The following TREM2 variants were observed in gnomAD, a reference collection of about 807,000 sequenced individuals.
TREM2 encodes the protein triggering receptor expressed on monocytes 2.
In TREM2, 20 loss-of-function variants were observed where a neutral mutation model predicts 22.9. That is an observed-to-expected ratio of 0.87 (90% CI 0.61 to 1.27). TREM2 has a LOEUF of 1.27. Ranked by LOEUF, TREM2 falls within the 50% of genes most tolerant of loss-of-function variation. The pLI is 0.00. For missense variants in TREM2, 267 were observed against 289.0 expected, an observed-to-expected ratio of 0.92 and a Z score of 0.55; for synonymous variants, 111 against 120.9, an observed-to-expected ratio of 0.92 and a Z score of 0.54.
At position 41,160,598 on chromosome 6, in the gene TREM2, T is replaced by G. The variant is rs182640543; in HGVS notation, c.391+665A>C. Reference sequence around the variant, plus strand: ...ACACCCTGGCCCACCTACTCACACCTGGAATGACGATCCCAAGACAGTTCA... The same window carrying G: ...ACACCCTGGCCCACCTACTCACACCGGGAATGACGATCCCAAGACAGTTCA... On this transcript the variant is annotated intron_variant, in intron 2 of 4. Transcript: ENST00000373113. Among the ~76,000 whole-genome samples, 670 of 152,154 alleles carry G rather than the reference T, an allele frequency of 4.4e-3. 2 individuals are homozygous for G. Among genetic ancestry groups the G allele is most frequent in the African/African-American group, 0.015 (637 of 41,494 alleles).
At chr6:41,161,227 A>G (rs745368556) in intron 2 of TREM2, 36 bp downstream of exon 2, 2 of 1,589,382 alleles carry the variant, frequency 1.3e-6, no homozygotes, top group Non-Finnish European at 8.6e-7. Context: ...GGCCTGGAAC[A>G]GGGGCAGGCC....
chr6:41,161,797 T>C (rs1477020142), intron 1 of TREM2, among the ~76,000 whole-genome samples, 184 bp from the exon 2 acceptor site: 1 of 152,170 alleles, frequency 6.6e-6, no homozygotes, highest in Non-Finnish European at 1.5e-5. Context: ...GGGACCTGGG[T>C]TTGGTTTTCT....
intron 2 of TREM2, 150 bp from the exon 3 acceptor site, chr6:41,160,032 C>G (rs1582078220): frequency 1.5e-6 from 1 of 680,736 alleles, no homozygotes; most frequent in East Asian, 2.7e-5. Flanking sequence ...CCTCAGTTTC[C>G]CCACTTATAA....
In TREM2 at chr6:41,160,091, G is replaced by A. The variant is rs187905635; in HGVS notation, c.392-209C>T. ...TTAATAGCAGGGTTGCCAGGATTCC[G>A]TGAGGGCACCTCTGTGCCGTATCCA... On this transcript the variant is annotated intron_variant, in intron 2 of 4. Transcript: ENST00000373113. 2.2e-3 allele frequency among the ~76,000 whole-genome samples: 341 copies of A among 152,308 alleles called. 10 individuals are homozygous for A. In the South Asian group the frequency reaches 0.054, roughly 24 times the overall value.
At chr6:41,160,166 G>T (rs948838135) in intron 2 of TREM2, among the ~76,000 whole-genome samples, 1 of 152,152 alleles carries the variant, frequency 6.6e-6, no homozygotes, top group Non-Finnish European at 1.5e-5. Context: ...TTCCGCACAG[G>T]GGCTAAGAAG....
chr6:41,162,489 G>A (rs1028325787), intron 1 of TREM2, among the ~76,000 whole-genome samples: 88 of 152,286 alleles, frequency 5.8e-4, no homozygotes, highest in African/African-American at 1.8e-3. Flanking sequence ...TCCTCAGCGG[G>A]AAGAAGCAAT....
chr6:41,161,361 C>A lies in TREM2; in HGVS notation c.293G>T (p.Arg98Leu). The stretch of plus-strand genomic sequence containing the variant: ...ACCCGCATCATGGGGTTGTAGATTC[C>A]GCAGCGTAATGGTGAGAGTGCCACC... ...TLGGTLTITL[R>L]NLQPHDAGLY... Residue 98 changes from arginine (R) to leucine (L), a missense_variant, in exon 2 of 5, where the codon CGG becomes CTG. Physicochemically the swap from Arg to Leu is moderately radical, Grantham distance 102 (BLOSUM62 -2). Transcript: ENST00000373113. 1 of 1,614,224 alleles carries A rather than the reference C, an allele frequency of 6.2e-7. No individual in the cohort carries two copies. Among genetic ancestry groups the A allele is most frequent in the Non-Finnish European group, 8.5e-7 (1 of 1,180,046 alleles).
In TREM2 at chr6:41,161,577, C is replaced by G. The variant is rs748326594; in HGVS notation, c.77G>C (p.Gly26Ala). The G allele has an allele frequency of 2.5e-6, 4 of 1,614,100 alleles. No homozygotes were observed. Among genetic ancestry groups the G allele is most frequent in the Non-Finnish European group, 8.5e-7 (1 of 1,180,010 alleles). Residue 26 changes from glycine (G) to alanine (A), a missense_variant, in exon 2 of 5, where the codon GGC (glycine) becomes GCC (alanine). Physicochemically the swap from Gly to Ala is moderately conservative, Grantham distance 60. Coordinates refer to ENST00000373113, the MANE Select transcript of TREM2 (RefSeq NM_018965.4). ...CACCTGCAGGGACTGGCCCGCCACG[C>G]CCTGGAACACTGTGGTGTTGTGGGC... is the stretch of plus-strand genomic sequence containing the variant. ...SGAHNTTVFQ[G>A]VAGQSLQVSC...
chr6:41,159,785 G>T lies in TREM2; in HGVS notation c.482+7C>A, dbSNP rs746496916. ...CCACGGGTTTTAGGAAAGACCCATC[G>T]CTGTACCTGGAGATGCTGTGCTCCA... On this transcript the variant is annotated splice_region_variant and intron_variant, in intron 3 of 4. Coordinates refer to ENST00000373113, the MANE Select transcript of TREM2 (RefSeq NM_018965.4). The T allele has an allele frequency of 6.2e-7, 1 of 1,613,576 alleles. No homozygotes were observed. The highest frequency in any genetic ancestry group is 8.5e-7 in the Non-Finnish European group (1 of 1,179,532).
Position 41,161,278 on chromosome 6 carries a change from C to G in TREM2, c.376G>C (p.Val126Leu). Residue 126 changes from valine to leucine, a missense_variant, in exon 2 of 5, where the codon GTG (valine) becomes CTG (leucine). By Grantham distance (32) the Val-to-Leu change is conservative (BLOSUM62 1). Transcript: ENST00000373113. ...SEADTLRKVL[V>L]EVLADPLDHR... is the part of the protein sequence containing the mutation. The stretch of plus-strand genomic sequence containing the variant: ...GCCCACTCACCTGCCAGCACCTCCA[C>G]CAGGACCTTCCTGAGGGTGTCAGCC... 1.2e-6 allele frequency: 2 copies of G among 1,613,998 alleles called. No homozygotes were observed. The highest frequency in any genetic ancestry group is 1.7e-6 in the Non-Finnish European group (2 of 1,179,914).
chr6:41,159,932 G>A, intron 2 of TREM2, 50 bp from the exon 3 acceptor site: 1 of 1,543,970 alleles, frequency 6.5e-7, no homozygotes, highest in Non-Finnish European at 8.9e-7. Flanking sequence ...CTCGAGGCAG[G>A]GGGAGAACCT....
chr6:41,160,360 C>G (rs1765531806), intron 2 of TREM2, among the ~76,000 whole-genome samples: 1 of 152,120 alleles, frequency 6.6e-6, no homozygotes, highest in Non-Finnish European at 1.5e-5. Context: ...GCAGTCTCCC[C>G]TGGCCTCCCC....
At position 41,163,053 on chromosome 6, in the gene TREM2, GA is replaced by G; in HGVS notation, c.29del (p.Leu10ProfsTer32). Reference sequence around the variant, plus strand: ...CGGAGGGGATCCTACCTGTGACAAAGAGTAAGATGAGCAGCCGGAGAGGCTC... The same window carrying G: ...CGGAGGGGATCCTACCTGTGACAAAGGTAAGATGAGCAGCCGGAGAGGCTC... MEPLRLLIL[L>X]FVTELSGAHN... On this transcript the variant is annotated frameshift_variant, in exon 1 of 5. Transcript: ENST00000373113. LOFTEE classifies it high-confidence loss of function. 3.1e-6 allele frequency: 5 copies of G among 1,614,186 alleles called. No individual in the cohort carries two copies. The highest frequency in any genetic ancestry group is 4.2e-6 in the Non-Finnish European group (5 of 1,180,028).
Position 41,163,072 on chromosome 6 carries a change from A to C in TREM2, c.11T>G (p.Leu4Arg). 6.2e-7 allele frequency: 1 copy of C among 1,614,150 alleles called. No homozygotes were observed. The highest frequency in any genetic ancestry group is 8.5e-7 in the Non-Finnish European group (1 of 1,179,992). MEP[L>R]RLLILLFVTE... ...GACAAAGAGTAAGATGAGCAGCCGG[A>C]GAGGCTCCATGCCACCCTTCCCCAG... is the stretch of plus-strand genomic sequence containing the variant. The change falls in exon 1 of 5, where the codon CTC (leucine) becomes CGC (arginine). Residue 4 changes from leucine to arginine, a missense_variant. Physicochemically the swap from Leu to Arg is moderately radical, Grantham distance 102. Coordinates refer to ENST00000373113, the MANE Select transcript of TREM2 (RefSeq NM_018965.4).
rs753777378 is a variant in TREM2 at position 41,158,653 on chromosome 6, T to C, written c.*111A>G. The C allele has an allele frequency of 6.9e-6, 11 of 1,605,348 alleles. No individual in the cohort carries two copies. The highest frequency in any genetic ancestry group is 4.5e-5 in the East Asian group (2 of 44,634). ...CAGGAGAAGCAGTGTTCAGGCAGAG[T>C]AGTCTCTTGCCAGAGCAGAACAAGG... On this transcript the variant is annotated 3_prime_UTR_variant, in exon 5 of 5. Transcript: ENST00000373113.
In TREM2 at chr6:41,158,904, A is replaced by G; in HGVS notation, c.645T>C (p.His215=). The G allele has an allele frequency of 6.2e-7, 1 of 1,614,214 alleles. No individual in the cohort carries two copies. Among genetic ancestry groups the G allele is most frequent in the Non-Finnish European group, 8.5e-7 (1 of 1,180,038 alleles). Residue 215 remains histidine, a synonymous_variant, in exon 4 of 5, where the codon CAT becomes CAC. Transcript: ENST00000373113. ...GAGTTTGGAGCTGATACCCTGGGTC[A>G]TGGCCACAGTCCAGTTCACTGGGTG... The part of the protein sequence containing the change: ...THPPSELDCG[H]DPGYQLQTLP...
chr6:41,161,571 G>A lies in TREM2; in HGVS notation c.83C>T (p.Ala28Val), dbSNP rs2234252. The A allele has an allele frequency of 1.1e-4, 180 of 1,614,028 alleles. 1 individual carries two copies. In the Admixed American group the frequency reaches 2.0e-3, roughly 18 times the overall value. Residue 28 changes from alanine to valine, a missense_variant, in exon 2 of 5, where the codon GCG becomes GTG. By Grantham distance (64) the Ala-to-Val change is moderately conservative. Coordinates refer to ENST00000373113, the MANE Select transcript of TREM2 (RefSeq NM_018965.4). ...AHNTTVFQGV[A>V]GQSLQVSCPY... ...GCAAGACACCTGCAGGGACTGGCCC[G>A]CCACGCCCTGGAACACTGTGGTGTT...
At position 41,161,126 on chromosome 6, in the gene TREM2, C is replaced by T. The variant is rs1162377682; in HGVS notation, c.391+137G>A. 8.5e-6 allele frequency: 7 copies of T among 824,574 alleles called. No individual in the cohort carries two copies. The East Asian group carries it at 1.6e-4, about 19-fold the overall frequency. The allele number at this position is 824,574 out of a possible 1,614,324, so 51.1% of individuals were successfully genotyped here. ...AACCTGCACAACTATCCTTGGTAGC[C>T]CTGAGTAGGGAGATGAGACCATACG... is the stretch of plus-strand genomic sequence containing the variant. On this transcript the variant is annotated intron_variant, in intron 2 of 4. Coordinates refer to ENST00000373113, the MANE Select transcript of TREM2 (RefSeq NM_018965.4).
chr6:41,161,740 C>A, intron 1 of TREM2, 127 bp from the exon 2 acceptor site: 2 of 805,280 alleles, frequency 2.5e-6, no homozygotes, highest in Non-Finnish European at 4.1e-6. Flanking sequence ...AAGTTGGGAG[C>A]GGATGGCACA....
Sources: allele counts gnomAD v4.1 joint callset (sites outside exome capture counted in the v4.1 genomes callset), GRCh38; gene constraint gnomAD v4.1.1; transcripts MANE v1.5; gene names NCBI Gene and HGNC (gene_info 2026-07-23, HGNC 2026-07-21).